Variants in ST3GAL6 observed in about 807,000 individuals in gnomAD.
ST3GAL6 encodes ST3 beta-galactoside alpha-2,3-sialyltransferase 6.
A neutral mutation model predicts 40.5 loss-of-function variants in ST3GAL6; 31 were observed. That is an observed-to-expected ratio of 0.77 (90% confidence interval 0.58 to 1.03). ST3GAL6 has a LOEUF of 1.03. ST3GAL6 is among the 50% of genes least tolerant of loss of function. ST3GAL6 has a pLI of 0.00. For synonymous variants in ST3GAL6, 129 were observed against 136.9 expected, an observed-to-expected ratio of 0.94 and a Z score of 0.40; for missense variants, 357 against 393.2, an observed-to-expected ratio of 0.91 and a Z score of 0.78.
At position 98,757,357 on chromosome 3, in the gene ST3GAL6, T is replaced by C. The variant is rs116685172; in HGVS notation, c.-11-11073T>C. Among the ~76,000 whole-genome samples the C allele has an allele frequency of 6.0e-3, 910 of 152,294 alleles. 10 individuals carry two copies. Among genetic ancestry groups the C allele is most frequent in the African/African-American group, 0.021 (859 of 41,560 alleles). On this transcript the variant is annotated intron_variant, in intron 1 of 9. Transcript: ENST00000265261. ...CCTCTTAAGCTCTTGCTTGTTCCTATTGAGATTGCTCATGAGGGTTTCAAA... is the reference window on the plus strand; with the variant it reads ...CCTCTTAAGCTCTTGCTTGTTCCTACTGAGATTGCTCATGAGGGTTTCAAA...
At chr3:98,774,571 T>A (rs1165647508) in intron 5 of ST3GAL6, among the ~76,000 whole-genome samples, 1 of 152,256 alleles carries the variant, frequency 6.6e-6, no homozygotes, top group Non-Finnish European at 1.5e-5. Context: ...TGGGCTTATT[T>A]TACAGAGGTA....
intron 1 of ST3GAL6, among the ~76,000 whole-genome samples, chr3:98,741,537 G>A (rs1224604027): frequency 6.6e-6 from 1 of 152,086 alleles, no homozygotes; most frequent in Non-Finnish European, 1.5e-5. Flanking sequence ...AAAGTTTGGT[G>A]TTACTAGAGT....
chr3:98,788,282 A>G (rs1940918269), intron 7 of ST3GAL6, 44 bp from the exon 8 acceptor site: 1 of 1,586,594 alleles, frequency 6.3e-7, no homozygotes. Context: ...TCCTTAAAAA[A>G]CAGACAGCCA....
chr3:98,759,938 T>C (rs1215170989), upstream of ST3GAL6, among the ~76,000 whole-genome samples: 1 of 151,800 alleles, frequency 6.6e-6, no homozygotes, highest in Admixed American at 6.6e-5. Context: ...AGACTGAAAA[T>C]AATACAGGAA....
At chr3:98,742,568 T>G (rs1936181713) in intron 1 of ST3GAL6, among the ~76,000 whole-genome samples, 1 of 152,214 alleles carries the variant, frequency 6.6e-6, no homozygotes, top group African/African-American at 2.4e-5. Context: ...CATACCCTTA[T>G]TGAGGGGTCC....
chr3:98,770,785 C>T (rs374724070), intron 2 of ST3GAL6, 94 bp from the exon 3 acceptor site: 23 of 1,040,218 alleles, frequency 2.2e-5, no homozygotes, highest in East Asian at 4.7e-5. Flanking sequence ...CAGAACCTCT[C>T]AGTGGTGGCA....
At position 98,788,214 on chromosome 3, in the gene ST3GAL6, G is replaced by T; in HGVS notation, c.610G>T (p.Asp204Tyr). Reference sequence around the variant, plus strand: ...GTGGCTGTTGGAATTGTTGATGGGTGACAAAATAGTAAGTAGGCAAAATTG... The same window carrying T: ...GTGGCTGTTGGAATTGTTGATGGGTTACAAAATAGTAAGTAGGCAAAATTG... The part of the protein sequence containing the change: ...LRWLLELLMG[D>Y]KINTNGFWKK... Residue 204 changes from aspartate to tyrosine, a missense_variant, in exon 7 of 10, where the codon GAC becomes TAC. Physicochemically the swap from Asp to Tyr is radical, Grantham distance 160. Transcript: ENST00000483910. 3 of 1,607,266 alleles carry T rather than the reference G, an allele frequency of 1.9e-6. No individual in the cohort carries two copies. The highest frequency in any genetic ancestry group is 1.1e-5 in the South Asian group (1 of 89,676).
At chr3:98,762,081 ACAG>A (rs59588351), upstream of ST3GAL6, among the ~76,000 whole-genome samples, 68,047 of 152,044 alleles carry the variant, frequency 0.45, 15,500 homozygotes, top group Middle Eastern at 0.56. Flanking sequence ...TGTGCTAAGG[ACAG>A]TGAAAGCACT....
chr3:98,744,610 T>A (rs1936396585), intron 1 of ST3GAL6, among the ~76,000 whole-genome samples: 1 of 152,222 alleles, frequency 6.6e-6, no homozygotes. Context: ...ATGCTCCAGG[T>A]TGAGCCTTGC....
chr3:98,788,402 T>C lies in ST3GAL6; in HGVS notation c.695T>C (p.Phe232Ser), dbSNP rs1940929547. ...KPYQIRILDP[F>S]IIRTAAYELL... is the part of the protein sequence containing the mutation. Reference sequence around the variant, plus strand: ...TATCAAATCCGAATATTAGATCCTTTCATTATCAGAACAGCAGCTTATGAA... The same window carrying C: ...TATCAAATCCGAATATTAGATCCTTCCATTATCAGAACAGCAGCTTATGAA... The change falls in exon 8 of 10, where the codon TTC (phenylalanine) becomes TCC (serine). Residue 232 changes from phenylalanine to serine, a missense_variant. Transcript: ENST00000483910. 3 of 1,613,254 alleles carry C rather than the reference T, an allele frequency of 1.9e-6. No homozygotes were observed. The highest frequency in any genetic ancestry group is 2.5e-6 in the Non-Finnish European group (3 of 1,179,820).
At chr3:98,772,698 G>T in intron 3 of ST3GAL6, 115 bp from the exon 4 acceptor site, 3 of 575,580 alleles carry the variant, frequency 5.2e-6, no homozygotes, top group South Asian at 2.8e-5. Context: ...ATACATTTTT[G>T]TATAGCCAGT....
chr3:98,792,880 T>C (rs1051540864), intron 9 of ST3GAL6, among the ~76,000 whole-genome samples: 2 of 152,078 alleles, frequency 1.3e-5, no homozygotes, highest in Admixed American at 1.3e-4. Context: ...TAACTTAAAT[T>C]AGTAGTGCAT....
At chr3:98,761,178 A>C (rs187394055), upstream of ST3GAL6, among the ~76,000 whole-genome samples, 1 of 152,184 alleles carries the variant, frequency 6.6e-6, no homozygotes, top group East Asian at 1.9e-4. Context: ...ATTTTAGTGT[A>C]TAAAAATTTT....
chr3:98,737,137 C>T (rs531325551), intron 1 of ST3GAL6, among the ~76,000 whole-genome samples: 3 of 152,248 alleles, frequency 2.0e-5, no homozygotes, highest in Admixed American at 6.5e-5. Context: ...AAACCTCTGC[C>T]TCCTGAATTT....
chr3:98,736,221 A>T (rs1935534174), intron 1 of ST3GAL6, among the ~76,000 whole-genome samples: 1 of 152,212 alleles, frequency 6.6e-6, no homozygotes, highest in African/African-American at 2.4e-5. Flanking sequence ...AGATTTTCTT[A>T]AAAACATTGG....
chr3:98,751,100 G>A (rs1936978428), intron 1 of ST3GAL6, among the ~76,000 whole-genome samples: 1 of 150,248 alleles, frequency 6.7e-6, no homozygotes, highest in South Asian at 2.1e-4. Flanking sequence ...GAAATTCAGT[G>A]ACATGATCTT....
At chr3:98,788,645 C>T (rs545053022) in intron 8 of ST3GAL6, among the ~76,000 whole-genome samples, 182 bp downstream of exon 8, 1 of 147,472 alleles carries the variant, frequency 6.8e-6, no homozygotes, top group South Asian at 2.2e-4. Context: ...ATTTATGTTG[C>T]AAGGAAATGT....
upstream of ST3GAL6, among the ~76,000 whole-genome samples, chr3:98,759,781 T>C (rs1432064621): frequency 6.6e-6 from 1 of 152,204 alleles, no homozygotes; most frequent in Non-Finnish European, 1.5e-5. Flanking sequence ...ATGTGGCCAA[T>C]GATTCAGTTG....
At chr3:98,760,878 T>C (rs36045157), upstream of ST3GAL6, among the ~76,000 whole-genome samples, 95 of 152,322 alleles carry the variant, frequency 6.2e-4, no homozygotes, top group Admixed American at 2.6e-3. Context: ...TGGGATGCTA[T>C]TTAGCAACAA....
Sources: allele counts gnomAD v4.1 joint callset (sites outside exome capture counted in the v4.1 genomes callset), GRCh38; gene constraint gnomAD v4.1.1; transcripts MANE v1.5; gene names NCBI Gene and HGNC (gene_info 2026-07-23, HGNC 2026-07-21).